NCS1: variants seen among roughly 807,000 people sequenced by gnomAD.
NCS1 encodes the protein neuronal calcium sensor 1.
Under a neutral mutation model 28.4 loss-of-function variants are expected in NCS1, and 6 were observed. That is an observed-to-expected ratio of 0.21 (90% CI 0.12 to 0.42). The LOEUF (loss-of-function observed/expected upper bound fraction) is 0.42. NCS1 is among the 10% of genes least tolerant of loss of function. The probability of loss-of-function intolerance (pLI) is 1.00; values close to 1 mark genes in which losing one functional copy is unlikely to be tolerated. For synonymous variants in NCS1, 86 were observed against 99.3 expected (o/e 0.87, Z 0.79); for missense variants, 131 against 241.4 (o/e 0.54, Z 3.03).
rs782315515 is a variant in NCS1 at position 130,219,087 on chromosome 9, C to T, written c.229-638C>T. Among the ~76,000 whole-genome samples the T allele has an allele frequency of 2.0e-5, 3 of 152,102 alleles. No homozygotes were observed. Among genetic ancestry groups the T allele is most frequent in the South Asian group, 2.1e-4 (1 of 4,818 alleles). ...GTGTCACCTCCGGGCAGTGGCTGCA[C>T]GGATAGCTGTTGGGTTATCTGCGAT... On this transcript the variant is annotated intron_variant, in intron 3 of 7. Coordinates refer to ENST00000372398, the MANE Select transcript of NCS1 (RefSeq NM_014286.4). The surrounding 1 kb of genome is among the most constrained non-coding windows in gnomAD (Gnocchi z 5.7).
At chr9:130,195,723 C>T (rs1180399754) in intron 1 of NCS1, among the ~76,000 whole-genome samples, 3 of 152,204 alleles carry the variant, frequency 2.0e-5, no homozygotes, top group African/African-American at 4.8e-5. Context: ...CGCGCTCGGG[C>T]GCAGCTAGGC....
intron 4 of NCS1, among the ~76,000 whole-genome samples, chr9:130,221,393 T>G (rs1331920427): frequency 5.3e-5 from 3 of 56,676 alleles, no homozygotes; most frequent in South Asian, 5.6e-4. Context: ...TATATATATA[T>G]ATATATATAT....
chr9:130,187,841 G>C (rs187912987), intron 1 of NCS1, among the ~76,000 whole-genome samples: 1 of 152,342 alleles, frequency 6.6e-6, no homozygotes, highest in African/African-American at 2.4e-5. Flanking sequence ...AGGTGTGACC[G>C]TGTGGCTTCT....
At chr9:130,183,651 CTTTCTT>C (rs1554905365) in intron 1 of NCS1, among the ~76,000 whole-genome samples, 1 of 139,396 alleles carries the variant, frequency 7.2e-6, no homozygotes, top group Admixed American at 7.7e-5. Context: ...CTCTTTCTTT[CTTTCTT>C]TTTCTTTCCT....
chr9:130,188,779 C>G (rs373630475), intron 1 of NCS1, among the ~76,000 whole-genome samples: 18 of 151,606 alleles, frequency 1.2e-4, no homozygotes, highest in African/African-American at 4.4e-4. Context: ...TGCAGTGGTG[C>G]AATCTTGGCT....
chr9:130,223,247 T>C, intron 6 of NCS1, 88 bp downstream of exon 6: 1 of 1,292,802 alleles, frequency 7.7e-7, no homozygotes, highest in East Asian at 2.4e-5. Flanking sequence ...GGGCCTGGCT[T>C]TGCTGCCAAC....
At chr9:130,195,572 C>T (rs895875969) in intron 1 of NCS1, among the ~76,000 whole-genome samples, 5 of 152,110 alleles carry the variant, frequency 3.3e-5, no homozygotes, top group African/African-American at 4.8e-5. Flanking sequence ...TATAGGCACG[C>T]GCCACCACAC....
rs1479604203 is a variant in NCS1 at position 130,175,597 on chromosome 9, G to A, written c.64+2870G>A. 1.3e-5 allele frequency among the ~76,000 whole-genome samples: 2 copies of A among 152,114 alleles called. No individual in the cohort carries two copies. The highest frequency in any genetic ancestry group is 4.8e-5 in the African/African-American group (2 of 41,430). ...CATAGCTGGCCACAGTGCCAAGGGG[G>A]CCTAGAGGGGAGCCATGGGTCCACG... is the stretch of plus-strand genomic sequence containing the variant. On this transcript the variant is annotated intron_variant, in intron 1 of 7. Transcript: ENST00000372398. This position sits in a 1 kb window ranked among gnomAD's most constrained non-coding sequence, Gnocchi z 4.9.
At chr9:130,231,705 T>C (rs1833503943) in intron 7 of NCS1, among the ~76,000 whole-genome samples, 1 of 152,042 alleles carries the variant, frequency 6.6e-6, no homozygotes, top group Non-Finnish European at 1.5e-5. Flanking sequence ...TTTTGGTTCT[T>C]TGGGTATATA....
chr9:130,177,107 C>T lies in NCS1; in HGVS notation c.64+4380C>T, dbSNP rs1832583269. 6.6e-6 allele frequency among the ~76,000 whole-genome samples: 1 copy of T among 152,194 alleles called. No homozygotes were observed. Among genetic ancestry groups the T allele is most frequent in the Non-Finnish European group, 1.5e-5 (1 of 68,042 alleles). On this transcript the variant is annotated intron_variant, in intron 1 of 7. Transcript: ENST00000372398. The surrounding 1 kb of genome is among the most constrained non-coding windows in gnomAD (Gnocchi z 4.4). ...CTCTCCTCTGCCTTTTCCCTAATGC[C>T]CAGAATGGTGCCGGCACACAGGAGC...
At position 130,200,566 on chromosome 9, in the gene NCS1, G is replaced by A. The variant is rs781861024; in HGVS notation, c.65-392G>A. ...GCAGCCGAGTGCCTGGGGAAGCCAG[G>A]GCCTTCCCTGACATCCCGTCCCCAG... On this transcript the variant is annotated intron_variant, in intron 1 of 7. Transcript: ENST00000372398. 8 of 1,551,672 alleles carry A rather than the reference G, an allele frequency of 5.2e-6. No homozygotes were observed. The South Asian group carries it at 9.5e-5, about 18-fold the overall frequency.
At chr9:130,182,945 AC>A (rs1832682856) in intron 1 of NCS1, among the ~76,000 whole-genome samples, 1 of 151,856 alleles carries the variant, frequency 6.6e-6, no homozygotes, top group African/African-American at 2.4e-5. Flanking sequence ...GGCCAAGGGG[AC>A]CCCCGTGACT....
Position 130,232,113 on chromosome 9 carries a change from A to C in NCS1, c.*18-877A>C, listed in dbSNP as rs547771486. On this transcript the variant is annotated intron_variant, in intron 7 of 7. Coordinates refer to ENST00000372398, the MANE Select transcript of NCS1 (RefSeq NM_014286.4). This position sits in a 1 kb window ranked among gnomAD's most constrained non-coding sequence, Gnocchi z 4.4. ...AGGTGTGCGCAGCCACGTCCGGCTA[A>C]TTTTTGTATTTTTGGTAGAGACCGG... 6.6e-6 allele frequency among the ~76,000 whole-genome samples: 1 copy of C among 152,110 alleles called. No individual in the cohort carries two copies. Among genetic ancestry groups the C allele is most frequent in the African/African-American group, 2.4e-5 (1 of 41,498 alleles).
chr9:130,218,010 G>C lies in NCS1; in HGVS notation c.228+40G>C, dbSNP rs781824348. On this transcript the variant is annotated intron_variant, in intron 3 of 7. Transcript: ENST00000372398. The stretch of plus-strand genomic sequence containing the variant: ...GATGGGGCCTGCGGCAGCTGGCTCA[G>C]CTCCTGTGGGTACCCGCAGCGTCTC... 3.7e-6 allele frequency: 6 copies of C among 1,613,092 alleles called. 1 individual carries two copies. The South Asian group carries it at 4.4e-5, about 12-fold the overall frequency.
chr9:130,199,345 G>A (rs187274554), intron 1 of NCS1, among the ~76,000 whole-genome samples: 50 of 152,204 alleles, frequency 3.3e-4, no homozygotes, highest in Admixed American at 1.8e-3. Context: ...TGCCTGCCTC[G>A]GCCTCCCAAA....
rs1832555197 is a variant in NCS1, at chr9:130,175,786, T to C, written c.64+3059T>C. 1.3e-5 allele frequency among the ~76,000 whole-genome samples: 2 copies of C among 152,278 alleles called. No individual in the cohort carries two copies. The highest frequency in any genetic ancestry group is 3.9e-4 in the East Asian group (2 of 5,184). On this transcript the variant is annotated intron_variant, in intron 1 of 7. Coordinates refer to ENST00000372398, the MANE Select transcript of NCS1 (RefSeq NM_014286.4). The surrounding 1 kb of genome is among the most constrained non-coding windows in gnomAD (Gnocchi z 4.9). ...CAAACCCTAACCCAGTCCTCAGCCT[T>C]CCACCAGCAACAGGTTAGGGAGAGA...
chr9:130,199,373 G>C (rs577027697), intron 1 of NCS1, among the ~76,000 whole-genome samples: 1 of 152,206 alleles, frequency 6.6e-6, no homozygotes, highest in Admixed American at 6.5e-5. Flanking sequence ...GATTACAGGC[G>C]TGAGCCACCG....
intron 1 of NCS1, among the ~76,000 whole-genome samples, chr9:130,185,761 G>A (rs532241323): frequency 4.6e-5 from 7 of 152,364 alleles, no homozygotes; most frequent in Admixed American, 4.6e-4. Context: ...AGAGCTCAAA[G>A]CCTGCACTGG....
At chr9:130,210,843 C>CTT (rs3055582) in intron 2 of NCS1, among the ~76,000 whole-genome samples, 3 of 141,030 alleles carry the variant, frequency 2.1e-5, no homozygotes, top group South Asian at 2.3e-4. Context: ...TTTTTCTTTT[C>CTT]TTTTTTTTTT....
Sources: gnomAD v4.1 joint callset for allele counts (sites outside exome capture counted in the v4.1 genomes callset) on GRCh38, gnomAD v4.1.1 for gene constraint, Gnocchi (gnomAD v3.1) non-coding constraint, MANE v1.5 for transcripts, NCBI Gene and HGNC (gene_info 2026-07-23, HGNC 2026-07-21) for gene names.